Variants in FAM222B observed in about 807,000 individuals in gnomAD.
The protein encoded by FAM222B is family with sequence similarity 222 member B, also known as protein FAM222B.
FAM222B carries 12 observed loss-of-function variants against 38.0 expected under a neutral mutation model. The observed-to-expected ratio is 0.32, with a 90% CI of 0.20 to 0.51. The LOEUF (loss-of-function observed/expected upper bound fraction) is 0.51, where lower values mean the gene tolerates loss of function less well. FAM222B is among the 20% of genes least tolerant of loss of function. FAM222B has a pLI of 0.97. For missense variants in FAM222B, 716 were observed against 754.2 expected (o/e 0.95, Z 0.59); for synonymous variants, 329 against 317.2 (o/e 1.04, Z -0.40).
rs1271167003 is a variant in FAM222B at position 28,757,887 on chromosome 17, G to A, written c.*383C>T. ...AGCAACAGGTAGAGGTCTGGATTAG[G>A]GGCCTGAGCACCTATACTACCTCAA... On this transcript the variant is annotated 3_prime_UTR_variant, in exon 3 of 3. Coordinates refer to ENST00000581407, the MANE Select transcript of FAM222B (RefSeq NM_001077498.3). 5.9e-6 allele frequency: 1 copy of A among 169,806 alleles called. No individual in the cohort carries two copies. Among genetic ancestry groups the A allele is most frequent in the Non-Finnish European group, 1.3e-5 (1 of 79,106 alleles). The allele number at this position is 169,806 out of a possible 1,614,324, so 10.5% of individuals were successfully genotyped here. A position where few individuals can be genotyped will look rare whatever the true frequency, so the allele number is the denominator to read the frequency against.
At chr17:28,825,088 C>T (rs1310150836) in intron 1 of FAM222B, among the ~76,000 whole-genome samples, 1 of 151,622 alleles carries the variant, frequency 6.6e-6, no homozygotes, top group Non-Finnish European at 1.5e-5. Flanking sequence ...AACATAGCAA[C>T]TGAACATTCT....
chr17:28,774,227 G>C (rs1218214583), intron 1 of FAM222B, among the ~76,000 whole-genome samples: 2 of 150,824 alleles, frequency 1.3e-5, no homozygotes, highest in African/African-American at 4.9e-5. Context: ...TTTACAGCTG[G>C]TATTTCCAGA....
upstream of FAM222B, among the ~76,000 whole-genome samples, chr17:28,843,509 G>A (rs1423795455): frequency 7.6e-6 from 1 of 132,062 alleles, no homozygotes; most frequent in Admixed American, 8.0e-5. Flanking sequence ...GTGCAGTGGC[G>A]CGATCTCAGC....
rs367743538 is a variant in FAM222B at position 28,823,875 on chromosome 17, AT to A, written c.-41+18806del. 6.7e-3 allele frequency among the ~76,000 whole-genome samples: 897 copies of A among 134,034 alleles called. 2 individuals carry two copies. The highest frequency in any genetic ancestry group is 0.012 in the African/African-American group (440 of 36,124). The allele number at this position is 134,034 out of a possible 152,430, so 87.9% of individuals were successfully genotyped here. ...TCAAACTTGGCAGGACCAAAAGAGA[AT>A]TTTTTTTTTTTTTTTTTTTGAGACG... On this transcript the variant is annotated intron_variant, in intron 1 of 2. Transcript: ENST00000581407.
intron 1 of FAM222B, among the ~76,000 whole-genome samples, chr17:28,852,037 G>A (rs1209073983): frequency 2.0e-5 from 3 of 151,844 alleles, no homozygotes; most frequent in Non-Finnish European, 4.4e-5. Context: ...AGACAACAGA[G>A]TGAGACTGTG....
chr17:28,821,462 A>G, intron 1 of FAM222B, among the ~76,000 whole-genome samples: 1 of 152,202 alleles, frequency 6.6e-6, no homozygotes, highest in East Asian at 1.9e-4. Flanking sequence ...ATGCATCACA[A>G]CCACCCAACA....
chr17:28,827,315 G>A (rs2038479917), intron 1 of FAM222B, among the ~76,000 whole-genome samples: 1 of 151,936 alleles, frequency 6.6e-6, no homozygotes, highest in Non-Finnish European at 1.5e-5. Context: ...CTATGACAGT[G>A]CCATGGCACT....
chr17:28,822,679 T>A (rs2038269961), intron 1 of FAM222B, among the ~76,000 whole-genome samples: 1 of 148,450 alleles, frequency 6.7e-6, no homozygotes, highest in Non-Finnish European at 1.5e-5. Flanking sequence ...CAGGCGCCTG[T>A]AATCCCAGCC....
intron 1 of FAM222B, among the ~76,000 whole-genome samples, chr17:28,828,683 T>G (rs2038533013): frequency 6.6e-6 from 1 of 152,038 alleles, no homozygotes; most frequent in African/African-American, 2.4e-5. Flanking sequence ...AAAAAGAAAA[T>G]TAAGCTAAAA....
Position 28,759,627 on chromosome 17 carries a change from C to T in FAM222B, c.332G>A (p.Ser111Asn), listed in dbSNP as rs2034961445. 6.2e-7 allele frequency: 1 copy of T among 1,612,816 alleles called. No individual in the cohort carries two copies. Among genetic ancestry groups the T allele is most frequent in the African/African-American group, 1.3e-5 (1 of 74,906 alleles). Residue 111 changes from serine to asparagine, a missense_variant, in exon 3 of 3, where the codon AGC becomes AAC. Physicochemically the swap from Ser to Asn is conservative, Grantham distance 46. Transcript: ENST00000581407. This position sits in a 1 kb window ranked among gnomAD's most constrained non-coding sequence, Gnocchi z 4.8. ...LLAIVKVPAK[S>N]ILKDFDGTRA... ...GGTGCCGTCAAAGTCCTTGAGTATG[C>T]TTTTGGCTGGCACTTTGACAATGGC...
chr17:28,802,202 A>G (rs972198760), intron 1 of FAM222B, among the ~76,000 whole-genome samples: 1 of 151,704 alleles, frequency 6.6e-6, no homozygotes, highest in Non-Finnish European at 1.5e-5. Flanking sequence ...GGTTCAAGCA[A>G]TTCTCCTGCT....
At position 28,758,402 on chromosome 17, in the gene FAM222B, C is replaced by T; in HGVS notation, c.1557G>A (p.Gly519=). ...CTCGGAAGCAGGCCTGTTGGAAATC[C>T]CCACTTAGGTAATCCACTGTTTGCA... is the stretch of plus-strand genomic sequence containing the variant. ...SLMQTVDYLS[G]DFQQACFREQ... is the part of the protein sequence containing the mutation. The change falls in exon 3 of 3, where the codon GGG becomes GGA. Residue 519 remains glycine (G), a synonymous_variant. Coordinates refer to ENST00000581407, the MANE Select transcript of FAM222B (RefSeq NM_001077498.3). 6.8e-6 allele frequency: 11 copies of T among 1,613,846 alleles called. No homozygotes were observed. Among genetic ancestry groups the T allele is most frequent in the Non-Finnish European group, 9.3e-6 (11 of 1,179,846 alleles).
intron 1 of FAM222B, among the ~76,000 whole-genome samples, chr17:28,853,473 C>G (rs1329906218): frequency 6.6e-6 from 1 of 152,128 alleles, no homozygotes; most frequent in African/African-American, 2.4e-5. Context: ...ACCCTCCCAT[C>G]CTATGGATAC....
intron 1 of FAM222B, among the ~76,000 whole-genome samples, chr17:28,772,912 A>G (rs1041377111): frequency 3.9e-5 from 6 of 152,268 alleles, no homozygotes; most frequent in East Asian, 1.9e-4. Context: ...AACAAAAGAA[A>G]AAACAGCTAA....
chr17:28,786,505 T>C (rs2151856870), intron 1 of FAM222B, among the ~76,000 whole-genome samples: 1 of 152,298 alleles, frequency 6.6e-6, no homozygotes, highest in African/African-American at 2.4e-5. Context: ...ACCCTTCCCC[T>C]TGTATCCTCA....
At chr17:28,843,998 G>A (rs558594472), upstream of FAM222B, among the ~76,000 whole-genome samples, 15 of 152,274 alleles carry the variant, frequency 9.9e-5, no homozygotes, top group Middle Eastern at 3.4e-3. Context: ...GAATTCGCAG[G>A]CAAATAGTCC....
chr17:28,851,559 T>C (rs2039181198), intron 1 of FAM222B, among the ~76,000 whole-genome samples: 1 of 150,546 alleles, frequency 6.6e-6, no homozygotes, highest in Non-Finnish European at 1.5e-5. Context: ...CTGGGCAACA[T>C]GGTGACAGCC....
At chr17:28,776,517 C>G (rs1329340867) in intron 1 of FAM222B, among the ~76,000 whole-genome samples, 1 of 134,320 alleles carries the variant, frequency 7.4e-6, no homozygotes, top group Non-Finnish European at 1.5e-5. Context: ...AGTACAGTGG[C>G]ACAAACACGG....
rs371941436 is a variant in FAM222B at position 28,758,462 on chromosome 17, G to C, written c.1497C>G (p.Thr499=). ...AAPGAHYRAG[T]GGGPVASQNS... ...TCTGGCTTGCCACTGGACCGCCCCCGGTCCCTGCTCGGTAGTGGGCCCCGG... is the reference window on the plus strand; with the variant it reads ...TCTGGCTTGCCACTGGACCGCCCCCCGTCCCTGCTCGGTAGTGGGCCCCGG... The change falls in exon 3 of 3, where the codon ACC becomes ACG. Residue 499 remains threonine, a synonymous_variant. Coordinates refer to ENST00000581407, the MANE Select transcript of FAM222B (RefSeq NM_001077498.3). 1 of 1,613,582 alleles carries C rather than the reference G, an allele frequency of 6.2e-7. No individual in the cohort carries two copies. Among genetic ancestry groups the C allele is most frequent in the Non-Finnish European group, 8.5e-7 (1 of 1,179,790 alleles).
Sources: allele counts gnomAD v4.1 joint callset (sites outside exome capture counted in the v4.1 genomes callset), GRCh38; gene constraint gnomAD v4.1.1; non-coding constraint Gnocchi (gnomAD v3.1); transcripts MANE v1.5; gene names NCBI Gene and HGNC (gene_info 2026-07-23, HGNC 2026-07-21).